The following ST8SIA6 variants were observed in gnomAD, a reference collection of about 807,000 sequenced individuals.
ST8SIA6 encodes ST8 alpha-N-acetyl-neuraminide alpha-2,8-sialyltransferase 6.
Under a neutral mutation model 33.6 loss-of-function variants are expected in ST8SIA6, and 39 were observed. That is an observed-to-expected ratio of 1.16 (90% CI 0.90 to 1.52). ST8SIA6 has a LOEUF of 1.52. Among genes scored for constraint, ST8SIA6 ranks in the 40% most tolerant of loss-of-function variants. ST8SIA6 has a pLI of 0.00. For missense variants in ST8SIA6, 441 were observed against 443.8 expected (o/e 0.99, Z 0.06); for synonymous variants, 172 against 167.2 (o/e 1.03, Z -0.22).
chr10:17,436,130 G>T (rs1377263995), intron 2 of ST8SIA6, among the ~76,000 whole-genome samples: 1 of 152,176 alleles, frequency 6.6e-6, no homozygotes, highest in Non-Finnish European at 1.5e-5. Flanking sequence ...ACCAGTCAGA[G>T]CTTGCCAGCT....
In ST8SIA6 at chr10:17,319,809, TATC is replaced by T. The variant is rs1387135131; in HGVS notation, c.*1066_*1068del. ...TTACTAATCAATTACATATTTCTAA[TATC>T]ATCAATGGTTTCAGGCATCCACAGG... On this transcript the variant is annotated 3_prime_UTR_variant, in exon 8 of 8. Coordinates refer to ENST00000377602, the MANE Select transcript of ST8SIA6 (RefSeq NM_001004470.3). The T allele has an allele frequency of 6.6e-6, 1 of 152,230 alleles. No individual in the cohort carries two copies. The highest frequency in any genetic ancestry group is 1.5e-5 in the Non-Finnish European group (1 of 68,034). 9.4% of individuals were successfully genotyped at this position (152,230 alleles called of 1,614,324 possible). A position where few individuals can be genotyped will look rare whatever the true frequency, so the allele number is the denominator to read the frequency against.
intron 4 of ST8SIA6, among the ~76,000 whole-genome samples, chr10:17,340,378 G>A (rs1021214528): frequency 1.3e-5 from 2 of 151,796 alleles, no homozygotes; most frequent in African/African-American, 4.8e-5. Flanking sequence ...GTCACCTTTA[G>A]TCACGTGTTC....
chr10:17,442,147 G>A (rs990451045), intron 2 of ST8SIA6, among the ~76,000 whole-genome samples: 3 of 152,208 alleles, frequency 2.0e-5, no homozygotes, highest in Non-Finnish European at 2.9e-5. Context: ...GATTACAGGC[G>A]TGGGCCACTG....
At chr10:17,359,223 A>G (rs2131617240) in intron 4 of ST8SIA6, among the ~76,000 whole-genome samples, 1 of 152,344 alleles carries the variant, frequency 6.6e-6, no homozygotes, top group East Asian at 1.9e-4. Context: ...CTAAATGTAA[A>G]TGGTACCAAA....
intron 2 of ST8SIA6, among the ~76,000 whole-genome samples, chr10:17,434,548 G>A (rs775965785): frequency 7.9e-5 from 12 of 152,192 alleles, no homozygotes; most frequent in Non-Finnish European, 1.6e-4. Context: ...TTTTGAGTGA[G>A]TTGGGATAGA....
At chr10:17,428,496 C>T (rs971720134) in intron 2 of ST8SIA6, among the ~76,000 whole-genome samples, 4 of 151,976 alleles carry the variant, frequency 2.6e-5, no homozygotes, top group African/African-American at 9.7e-5. Flanking sequence ...TAAAGTCAGT[C>T]GACACTGGCG....
At position 17,323,099 on chromosome 10, in the gene ST8SIA6, G is replaced by T. The variant is rs1474472714; in HGVS notation, c.694C>A (p.Leu232Ile). The change falls in exon 7 of 8, where the codon CTT becomes ATT. Residue 232 changes from leucine (L) to isoleucine (I), a missense_variant. Leu to Ile is a conservative substitution (Grantham distance 5, BLOSUM62 2). Transcript: ENST00000377602. ...VSKDVGSKTN[L>I]VTINPSIITL... ...ATGATGCTTGGATTTATAGTCACAA[G>T]ATTTGTTTTACTGCCAACATCTTTA... The T allele has an allele frequency of 6.2e-7, 1 of 1,613,730 alleles. No individual in the cohort carries two copies. The highest frequency in any genetic ancestry group is 8.5e-7 in the Non-Finnish European group (1 of 1,179,792).
At chr10:17,359,208 A>G (rs10904935) in intron 4 of ST8SIA6, among the ~76,000 whole-genome samples, 1 of 152,114 alleles carries the variant, frequency 6.6e-6, no homozygotes, top group Non-Finnish European at 1.5e-5. Context: ...CTAAACAAAT[A>G]AATACTAAAT....
chr10:17,419,786 T>A (rs1293178825), intron 2 of ST8SIA6, among the ~76,000 whole-genome samples: 1 of 152,220 alleles, frequency 6.6e-6, no homozygotes, highest in Non-Finnish European at 1.5e-5. Context: ...CATTGGAGGT[T>A]CTTGTATCCT....
intron 2 of ST8SIA6, among the ~76,000 whole-genome samples, chr10:17,416,279 A>G (rs1010886436): frequency 6.6e-6 from 1 of 152,154 alleles, no homozygotes; most frequent in African/African-American, 2.4e-5. Flanking sequence ...GGAATACCCT[A>G]GAACTTGCTC....
chr10:17,443,759 G>A (rs946481824), intron 2 of ST8SIA6, among the ~76,000 whole-genome samples: 3 of 152,222 alleles, frequency 2.0e-5, no homozygotes, highest in African/African-American at 7.2e-5. Context: ...ATGTACTACA[G>A]CAATGATCAT....
At chr10:17,387,163 G>C (rs1365381921) in intron 3 of ST8SIA6, 1 of 152,272 alleles carries the variant, frequency 6.6e-6, no homozygotes, top group African/African-American at 2.4e-5. Flanking sequence ...AAAGTGGATT[G>C]AGTGGGCCCA....
chr10:17,420,988 C>T (rs1335472435), intron 2 of ST8SIA6, among the ~76,000 whole-genome samples: 1 of 152,054 alleles, frequency 6.6e-6, no homozygotes, highest in Non-Finnish European at 1.5e-5. Flanking sequence ...GAACAGAACA[C>T]GAGAACAGCA....
At chr10:17,372,845 T>C (rs186896546) in intron 3 of ST8SIA6, among the ~76,000 whole-genome samples, 155 of 152,322 alleles carry the variant, frequency 1.0e-3, no homozygotes, top group African/African-American at 3.5e-3. Flanking sequence ...TTCTGCAATA[T>C]TCTATTGGTT....
intron 4 of ST8SIA6, among the ~76,000 whole-genome samples, chr10:17,336,594 CT>C (rs10536702): frequency 0.38 from 48,086 of 126,612 alleles, 7,658 homozygotes; most frequent in South Asian, 0.51. Context: ...CACATGTGTG[CT>C]TTTTTTTTTT....
chr10:17,328,531 G>A (rs1253313444), intron 5 of ST8SIA6, among the ~76,000 whole-genome samples: 1 of 152,134 alleles, frequency 6.6e-6, no homozygotes, highest in Non-Finnish European at 1.5e-5. Flanking sequence ...GTGCCGGCTC[G>A]TGCTTCCCAG....
intron 2 of ST8SIA6, among the ~76,000 whole-genome samples, chr10:17,414,776 GA>G (rs1851553287): frequency 6.6e-6 from 1 of 152,086 alleles, no homozygotes; most frequent in Admixed American, 6.5e-5. Context: ...CATTTAAATA[GA>G]ATTATCTCCC....
intron 7 of ST8SIA6, among the ~76,000 whole-genome samples, chr10:17,322,546 T>C (rs1847993647): frequency 1.3e-5 from 2 of 152,222 alleles, no homozygotes; most frequent in South Asian, 4.1e-4. Context: ...CAGTCACTTT[T>C]GACGAAAACA....
chr10:17,326,891 A>T, intron 6 of ST8SIA6, 123 bp downstream of exon 6: 1 of 616,714 alleles, frequency 1.6e-6, no homozygotes, highest in Non-Finnish European at 2.5e-6. Context: ...CTTCCCGGGT[A>T]ATTTGTAGAC....
Sources: gnomAD v4.1 joint callset for allele counts (sites outside exome capture counted in the v4.1 genomes callset) on GRCh38, gnomAD v4.1.1 for gene constraint, MANE v1.5 for transcripts, NCBI Gene and HGNC (gene_info 2026-07-23, HGNC 2026-07-21) for gene names.